PITPNM2: variants seen among roughly 807,000 people sequenced by gnomAD.
PITPNM2 encodes phosphatidylinositol transfer protein membrane associated 2.
In PITPNM2, 35 loss-of-function variants were observed where a neutral mutation model predicts 132.2. The observed-to-expected ratio is 0.26, with a 90% CI of 0.20 to 0.35. The LOEUF is 0.35. Among genes scored for constraint, PITPNM2 ranks in the 10% least tolerant of loss-of-function variants. PITPNM2 has a pLI of 1.00. For missense variants in PITPNM2, 1,332 were observed against 1,912.0 expected (o/e 0.70, Z 5.66); for synonymous variants, 738 against 799.2 (o/e 0.92, Z 1.29).
At chr12:123,123,622 CA>C (rs567606370) in intron 1 of PITPNM2, among the ~76,000 whole-genome samples, 12 of 150,180 alleles carry the variant, frequency 8.0e-5, no homozygotes, top group South Asian at 4.2e-4. Flanking sequence ...TCAAAAAAAA[CA>C]AAAAAAAATT....
At chr12:123,011,033 T>C (rs1375772114) in intron 5 of PITPNM2, among the ~76,000 whole-genome samples, 2 of 152,144 alleles carry the variant, frequency 1.3e-5, no homozygotes, top group Admixed American at 1.3e-4. Flanking sequence ...CCACTTATGA[T>C]CACAGGCTTC....
At chr12:123,070,407 C>T (rs1031424201) in intron 2 of PITPNM2, among the ~76,000 whole-genome samples, 3 of 152,160 alleles carry the variant, frequency 2.0e-5, no homozygotes, top group East Asian at 1.9e-4. Context: ...GCAATGGCAC[C>T]GCTGTCACAG....
chr12:123,025,058 T>A (rs2039807970), intron 3 of PITPNM2, among the ~76,000 whole-genome samples: 1 of 152,218 alleles, frequency 6.6e-6, no homozygotes, highest in East Asian at 1.9e-4. Context: ...CTGCCATGAA[T>A]GTCCCTCCCC....
chr12:123,126,730 A>C (rs1282228154), intron 1 of PITPNM2, among the ~76,000 whole-genome samples: 1 of 152,032 alleles, frequency 6.6e-6, no homozygotes, highest in African/African-American at 2.4e-5. Context: ...CAGCTTCATC[A>C]TGGTAGCCCC....
intron 2 of PITPNM2, among the ~76,000 whole-genome samples, chr12:123,065,152 G>A (rs1001085449): frequency 6.6e-6 from 1 of 152,254 alleles, no homozygotes; most frequent in African/African-American, 2.4e-5. Context: ...GCTGAGCCTG[G>A]AGCAGCTGCC....
intron 3 of PITPNM2, among the ~76,000 whole-genome samples, chr12:123,026,947 A>G (rs527867643): frequency 2.4e-3 from 364 of 152,290 alleles, no homozygotes; most frequent in Non-Finnish European, 3.5e-3. Context: ...ATCCTTAACA[A>G]ATTACACCTT....
intron 2 of PITPNM2, among the ~76,000 whole-genome samples, chr12:123,100,618 T>A (rs143836535): frequency 0.029 from 4,287 of 146,870 alleles, 104 homozygotes; most frequent in Non-Finnish European, 0.046. Flanking sequence ...AGAGCAAGAC[T>A]CCGTCTCCAA....
chr12:123,017,848 G>T (rs911219088), intron 3 of PITPNM2, among the ~76,000 whole-genome samples: 93 of 152,318 alleles, frequency 6.1e-4, no homozygotes, highest in African/African-American at 2.0e-3. Flanking sequence ...ATTAGTGGTG[G>T]CCTGCTGCTG....
At chr12:123,133,760 G>A (rs1339417832) in intron 1 of PITPNM2, among the ~76,000 whole-genome samples, 3 of 151,516 alleles carry the variant, frequency 2.0e-5, no homozygotes, top group Admixed American at 6.6e-5. Flanking sequence ...ATGAACTACC[G>A]AAGGCAATCT....
chr12:123,100,473 A>G (rs2042537392), intron 2 of PITPNM2, among the ~76,000 whole-genome samples: 1 of 152,164 alleles, frequency 6.6e-6, no homozygotes, highest in Non-Finnish European at 1.5e-5. Context: ...TAAAAATACA[A>G]AAATTAATTG....
At chr12:123,059,138 G>A (rs2136745294) in intron 2 of PITPNM2, among the ~76,000 whole-genome samples, 1 of 152,334 alleles carries the variant, frequency 6.6e-6, no homozygotes, top group South Asian at 2.1e-4. Context: ...GGCCAACCAA[G>A]GATATCACAG....
chr12:122,987,550 C>T lies in PITPNM2; in HGVS notation c.3224G>A (p.Arg1075His), dbSNP rs1269014445. The change falls in exon 22 of 26, where the codon CGC (arginine) becomes CAC (histidine). Residue 1075 changes from arginine (R) to histidine (H), a missense_variant. By Grantham distance (29) the Arg-to-His change is conservative (BLOSUM62 0). Coordinates refer to ENST00000320201, the MANE Select transcript of PITPNM2 (RefSeq NM_020845.3). ...GATAGGGTAGACACCCACGCCCAGG[C>T]GGTGCGACTCAGGGATGGTGTAGGA... The part of the protein sequence containing the change: ...RVSYTIPESH[R>H]LGVGVYPIKM... 2.5e-6 allele frequency: 4 copies of T among 1,613,796 alleles called. No individual in the cohort carries two copies. Among genetic ancestry groups the T allele is most frequent in the East Asian group, 2.2e-5 (1 of 44,886 alleles).
At chr12:123,086,600 T>G (rs1293365877) in intron 2 of PITPNM2, among the ~76,000 whole-genome samples, 1 of 152,196 alleles carries the variant, frequency 6.6e-6, no homozygotes, top group Non-Finnish European at 1.5e-5. Context: ...ATTAACTGAT[T>G]GAATCTTTTT....
At chr12:123,148,697 C>T (rs538938982) in intron 1 of PITPNM2, among the ~76,000 whole-genome samples, 1 of 152,236 alleles carries the variant, frequency 6.6e-6, no homozygotes, top group South Asian at 2.1e-4. Flanking sequence ...TCACTATTTT[C>T]CTAAGTACCT....
chr12:123,005,488 T>C lies in PITPNM2; in HGVS notation c.704A>G (p.Tyr235Cys), dbSNP rs149568310. 5 of 1,613,818 alleles carry C rather than the reference T, an allele frequency of 3.1e-6. No homozygotes were observed. The African/African-American group carries it at 5.3e-5, about 17-fold the overall frequency. The change falls in exon 7 of 26, where the codon TAT becomes TGT. Residue 235 changes from tyrosine (Y) to cysteine (C), a missense_variant. Tyr to Cys is a radical substitution (Grantham distance 194, BLOSUM62 -2). Around this residue, in one of 6 missense-constraint regions of PITPNM2, gnomAD observed 122 missense variants for 209.6 expected, o/e 0.58. Coordinates refer to ENST00000320201, the MANE Select transcript of PITPNM2 (RefSeq NM_020845.3). The surrounding 1 kb of genome is among the most constrained non-coding windows in gnomAD (Gnocchi z 6.2). ...CCGGATGTTCTCCATGCTCAGCCCA[T>C]ACCACTCGTCCTGCCAGCACCAGGC... ...RQAWCWQDEW[Y>C]GLSMENIREL...
At chr12:123,061,881 G>A (rs545943593) in intron 2 of PITPNM2, among the ~76,000 whole-genome samples, 7 of 152,204 alleles carry the variant, frequency 4.6e-5, no homozygotes, top group East Asian at 3.9e-4. Flanking sequence ...CCCAAGAGCC[G>A]GAGCAGCTAT....
intron 1 of PITPNM2, among the ~76,000 whole-genome samples, chr12:123,131,372 C>T (rs1209265761): frequency 6.6e-6 from 1 of 152,168 alleles, no homozygotes; most frequent in Non-Finnish European, 1.5e-5. Flanking sequence ...CCACCAGCAG[C>T]TAGGAGGGAG....
In PITPNM2 at chr12:123,056,669, C is replaced by T. The variant is rs530001328; in HGVS notation, c.-95-21984G>A. 1.8e-4 allele frequency among the ~76,000 whole-genome samples: 27 copies of T among 152,308 alleles called. No homozygotes were observed. The East Asian group carries it at 4.6e-3, about 26-fold the overall frequency. On this transcript the variant is annotated intron_variant, in intron 2 of 25. Transcript: ENST00000320201. The stretch of plus-strand genomic sequence containing the variant: ...CCTGGGTTGACAAAGAAAGTCTCTC[C>T]CTGCACTGGGTGACACTGGACACTG...
chr12:122,992,228 G>T lies in PITPNM2; in HGVS notation c.2404+271C>A, dbSNP rs138807656. Reference sequence around the variant, plus strand: ...GGAGAGGGGAGTCTGGTCTTGTTCTGCCCTTTCCCTGCTCCGGGGACCCTG... The same window carrying T: ...GGAGAGGGGAGTCTGGTCTTGTTCTTCCCTTTCCCTGCTCCGGGGACCCTG... On this transcript the variant is annotated intron_variant, in intron 16 of 25. Coordinates refer to ENST00000320201, the MANE Select transcript of PITPNM2 (RefSeq NM_020845.3). This position sits in a 1 kb window ranked among gnomAD's most constrained non-coding sequence, Gnocchi z 6.5. Among the ~76,000 whole-genome samples the T allele has an allele frequency of 6.6e-6, 1 of 152,244 alleles. No homozygotes were observed. The highest frequency in any genetic ancestry group is 2.4e-5 in the African/African-American group (1 of 41,550).
Sources: allele counts gnomAD v4.1 joint callset (sites outside exome capture counted in the v4.1 genomes callset), GRCh38; gene constraint gnomAD v4.1.1; regional missense constraint gnomAD v4.1.1; non-coding constraint Gnocchi (gnomAD v3.1); transcripts MANE v1.5; gene names NCBI Gene and HGNC (gene_info 2026-07-23, HGNC 2026-07-21).